MYO10: variants seen among roughly 807,000 people sequenced by gnomAD.
The protein encoded by MYO10 is myosin X.
A neutral mutation model predicts 257.3 loss-of-function variants in MYO10; 133 were observed. The ratio of observed to expected loss-of-function variants is 0.52; its 90% CI spans 0.45 to 0.60. The LOEUF is 0.60. Among genes scored for constraint, MYO10 ranks in the 20% least tolerant of loss-of-function variants. The probability of loss-of-function intolerance (pLI) is 0.00; values close to 1 mark genes in which losing one functional copy is unlikely to be tolerated. For missense variants in MYO10, 2,399 were observed against 2,635.7 expected (o/e 0.91, Z 1.97); for synonymous variants, 1,104 against 1,028.6 (o/e 1.07, Z -1.40).
chr5:16,910,749 G>A (rs983252124), intron 1 of MYO10, among the ~76,000 whole-genome samples: 3 of 152,112 alleles, frequency 2.0e-5, no homozygotes, highest in Non-Finnish European at 4.4e-5. Flanking sequence ...ACAGCATGGG[G>A]GTGTGGCTTC....
chr5:16,683,109 C>T (rs944445369), intron 30 of MYO10, among the ~76,000 whole-genome samples: 40 of 152,136 alleles, frequency 2.6e-4, no homozygotes, highest in African/African-American at 8.7e-4. Flanking sequence ...CTCTTGTCAA[C>T]GGGAGGGTGA....
At chr5:16,845,617 C>A (rs1404707660) in intron 2 of MYO10, among the ~76,000 whole-genome samples, 3 of 152,088 alleles carry the variant, frequency 2.0e-5, no homozygotes, top group African/African-American at 7.2e-5. Context: ...CCACTGTACT[C>A]CAGACTGGAT....
At chr5:16,667,260 G>A (rs1233023646) in intron 40 of MYO10, among the ~76,000 whole-genome samples, 15 of 152,106 alleles carry the variant, frequency 9.9e-5, no homozygotes, top group Admixed American at 3.3e-4. Flanking sequence ...CTGGGAGAGC[G>A]GCCAGCTCCC....
intron 2 of MYO10, among the ~76,000 whole-genome samples, chr5:16,835,040 T>C (rs558648914): frequency 7.9e-5 from 12 of 151,624 alleles, no homozygotes; most frequent in African/African-American, 2.9e-4. Context: ...CGGGCCACCG[T>C]GGTGGCACAC....
At chr5:16,820,438 T>C (rs899416347) in intron 2 of MYO10, among the ~76,000 whole-genome samples, 3 of 152,132 alleles carry the variant, frequency 2.0e-5, no homozygotes, top group Non-Finnish European at 4.4e-5. Context: ...CCAAGTAGTA[T>C]AAAGTAGGGC....
chr5:16,794,965 T>A, intron 3 of MYO10, 132 bp from the exon 4 acceptor site: 1 of 593,992 alleles, frequency 1.7e-6, no homozygotes, highest in South Asian at 4.5e-5. Flanking sequence ...TGTCCCTGCC[T>A]TTCTGGGTAC....
chr5:16,711,557 G>A (rs1738620077), intron 19 of MYO10, among the ~76,000 whole-genome samples: 1 of 152,206 alleles, frequency 6.6e-6, no homozygotes, highest in Non-Finnish European at 1.5e-5. Flanking sequence ...GCCGAGGCGG[G>A]TGGATCACAA....
chr5:16,888,369 ATTTT>A (rs898862863), intron 1 of MYO10, among the ~76,000 whole-genome samples: 1 of 151,830 alleles, frequency 6.6e-6, no homozygotes, highest in East Asian at 1.9e-4. Flanking sequence ...TCTCTACAAC[ATTTT>A]TTTTAATTAA....
At chr5:16,767,167 CTTT>C (rs35242676) in intron 10 of MYO10, among the ~76,000 whole-genome samples, 17 of 105,300 alleles carry the variant, frequency 1.6e-4, no homozygotes, top group African/African-American at 2.1e-4. Flanking sequence ...ACCCAACTGT[CTTT>C]TTTTTTTTTT....
chr5:16,805,836 C>T (rs187273767), intron 3 of MYO10, among the ~76,000 whole-genome samples: 1 of 152,284 alleles, frequency 6.6e-6, no homozygotes, highest in East Asian at 1.9e-4. Flanking sequence ...TTTGGAACAG[C>T]TGCAGCACAA....
chr5:16,793,884 T>G (rs1741846117), intron 4 of MYO10, among the ~76,000 whole-genome samples: 1 of 148,558 alleles, frequency 6.7e-6, no homozygotes, highest in Non-Finnish European at 1.5e-5. Flanking sequence ...TGAGCTGAGA[T>G]CGCACCATTG....
chr5:16,668,896 C>T (rs1736304279), intron 39 of MYO10, among the ~76,000 whole-genome samples: 1 of 152,156 alleles, frequency 6.6e-6, no homozygotes, highest in Admixed American at 6.5e-5. Flanking sequence ...GGTTAGTCTT[C>T]AAATACAAAA....
At chr5:16,842,008 TG>T (rs1173497245) in intron 2 of MYO10, among the ~76,000 whole-genome samples, 3 of 2,980 alleles carry the variant, frequency 1.0e-3, no homozygotes, top group Admixed American at 0.01. Flanking sequence ...GACTTTGGGG[TG>T]GGGGGGCTTG....
chr5:16,788,038 C>T lies in MYO10; in HGVS notation c.468-4569G>A, dbSNP rs558360730. On this transcript the variant is annotated intron_variant, in intron 4 of 40. Coordinates refer to ENST00000513610, the MANE Select transcript of MYO10 (RefSeq NM_012334.3). ...CGAACTTCTGACCTCAGGTGATCTA[C>T]CCGCCTCGGCCTCCCAAAGTGCTGG... 1.7e-3 allele frequency among the ~76,000 whole-genome samples: 256 copies of T among 152,272 alleles called. 1 individual carries two copies. The highest frequency in any genetic ancestry group is 5.9e-3 in the African/African-American group (244 of 41,558).
rs1335827387 is a variant in MYO10, at chr5:16,736,685, GCAGT to G, written c.1929+18139_1929+18142del. ...CAAGCTTTACTGAAAGCAATGCCAT[GCAGT>G]CAGTGAATCAAATGCATAGGCCAAC... On this transcript the variant is annotated intron_variant, in intron 19 of 40. Transcript: ENST00000513610. 4.6e-5 allele frequency among the ~76,000 whole-genome samples: 7 copies of G among 152,342 alleles called. No homozygotes were observed. In the East Asian group the frequency reaches 1.3e-3, roughly 29 times the overall value.
chr5:16,891,910 G>A (rs1216909930), intron 1 of MYO10, among the ~76,000 whole-genome samples: 4 of 152,308 alleles, frequency 2.6e-5, no homozygotes, highest in South Asian at 2.1e-4. Flanking sequence ...GTTCACAAGC[G>A]AGACCTGTAC....
rs181609954 is a variant in MYO10 at position 16,900,116 on chromosome 5, T to C, written c.22-22409A>G. On this transcript the variant is annotated intron_variant, in intron 1 of 40. Coordinates refer to ENST00000513610, the MANE Select transcript of MYO10 (RefSeq NM_012334.3). ...GGAAAAACACATCTGTTTCCTAAAG[T>C]ACAAAACTCACAGCAATTTCAACAG... Among the ~76,000 whole-genome samples, 11 of 151,832 alleles carry C rather than the reference T, an allele frequency of 7.2e-5. No individual in the cohort carries two copies. In the East Asian group the frequency reaches 2.1e-3, roughly 30 times the overall value.
At chr5:16,749,290 C>G (rs1740311012) in intron 19 of MYO10, among the ~76,000 whole-genome samples, 1 of 151,978 alleles carries the variant, frequency 6.6e-6, no homozygotes, top group African/African-American at 2.4e-5. Context: ...AGTTTGAGAC[C>G]AGCCTGGCCA....
chr5:16,793,144 C>A (rs1741822148), intron 4 of MYO10, among the ~76,000 whole-genome samples: 1 of 152,076 alleles, frequency 6.6e-6, no homozygotes, highest in African/African-American at 2.4e-5. Context: ...CTTGGCGCCT[C>A]CACGGAAACC....
Sources: gnomAD v4.1 joint callset for allele counts (sites outside exome capture counted in the v4.1 genomes callset) on GRCh38, gnomAD v4.1.1 for gene constraint, MANE v1.5 for transcripts, NCBI Gene and HGNC (gene_info 2026-07-23, HGNC 2026-07-21) for gene names.